The following PCDH9 variants were observed in gnomAD, a reference collection of about 807,000 sequenced individuals.
PCDH9 encodes the protein protocadherin 9.
PCDH9 carries 24 observed loss-of-function variants against 70.6 expected under a neutral mutation model. The observed-to-expected ratio is 0.34, with a 90% confidence interval of 0.25 to 0.48. PCDH9 has a LOEUF of 0.48. Among genes scored for constraint, PCDH9 ranks in the 20% least tolerant of loss-of-function variants. The pLI, the probability that PCDH9 is intolerant of heterozygous loss-of-function variation, is 0.99. For synonymous variants in PCDH9, 562 were observed against 558.5 expected (o/e 1.01, Z -0.09); for missense variants, 1,281 against 1,503.6 (o/e 0.85, Z 2.45).
chr13:66,391,650 T>C (rs889166576), intron 4 of PCDH9, among the ~76,000 whole-genome samples: 2 of 152,134 alleles, frequency 1.3e-5, no homozygotes, highest in African/African-American at 4.8e-5. Flanking sequence ...GAACCAAACC[T>C]AAACCTTCAT....
chr13:66,891,479 C>CGT (rs2082094935), intron 3 of PCDH9, among the ~76,000 whole-genome samples: 1 of 152,004 alleles, frequency 6.6e-6, no homozygotes, highest in South Asian at 2.1e-4. Flanking sequence ...TTGCTTAAAA[C>CGT]TAAATAGTAA....
At chr13:67,217,508 A>C (rs2089635821) in intron 2 of PCDH9, 1 of 152,144 alleles carries the variant, frequency 6.6e-6, no homozygotes, top group African/African-American at 2.4e-5. Flanking sequence ...AAAGACATTA[A>C]GTATTAAAGA....
rs140212907 is a variant in PCDH9, at chr13:67,150,929, C to A, written c.3036+74476G>T. On this transcript the variant is annotated intron_variant, in intron 2 of 4. Transcript: ENST00000377865. ...TTCTTGTTTAACCAACTTTGTAAGT[C>A]TCACTGCCCAAGGCCTTCCAATTGC... Among the ~76,000 whole-genome samples, 15 of 152,280 alleles carry A rather than the reference C, an allele frequency of 9.9e-5. No individual in the cohort carries two copies. The East Asian group carries it at 2.9e-3, about 29-fold the overall frequency.
chr13:66,538,062 T>C (rs1324462401), intron 4 of PCDH9, among the ~76,000 whole-genome samples: 1 of 152,144 alleles, frequency 6.6e-6, no homozygotes, highest in African/African-American at 2.4e-5. Context: ...GTTACTTTGG[T>C]AGCCTAGTTC....
intron 3 of PCDH9, among the ~76,000 whole-genome samples, chr13:66,713,101 T>C (rs2078817300): frequency 6.6e-6 from 1 of 152,172 alleles, no homozygotes; most frequent in Admixed American, 6.5e-5. Flanking sequence ...CATTACATAG[T>C]TGTGTTTGTT....
intron 4 of PCDH9, among the ~76,000 whole-genome samples, chr13:66,403,739 T>C (rs1330393407): frequency 1.3e-5 from 2 of 152,182 alleles, no homozygotes; most frequent in African/African-American, 2.4e-5. Flanking sequence ...ACCCATGATA[T>C]AGCCTTTGAG....
chr13:66,413,667 C>CAGAGCG (rs1163473269), intron 4 of PCDH9, among the ~76,000 whole-genome samples: 2 of 151,650 alleles, frequency 1.3e-5, no homozygotes, highest in Non-Finnish European at 2.9e-5. Flanking sequence ...CCCTGGGCAA[C>CAGAGCG]AGAGCGAGAC....
chr13:66,490,152 T>C (rs1303945727), intron 4 of PCDH9, among the ~76,000 whole-genome samples: 1 of 152,182 alleles, frequency 6.6e-6, no homozygotes. Flanking sequence ...TGTATTCTCT[T>C]TTCTGACTTC....
intron 2 of PCDH9, among the ~76,000 whole-genome samples, chr13:66,926,137 A>G (rs577610925): frequency 6.6e-6 from 1 of 151,966 alleles, no homozygotes; most frequent in South Asian, 2.1e-4. Context: ...TTTCATAACT[A>G]CTATATAGTG....
At chr13:66,416,398 G>C (rs1384820302) in intron 4 of PCDH9, among the ~76,000 whole-genome samples, 1 of 151,752 alleles carries the variant, frequency 6.6e-6, no homozygotes, top group Non-Finnish European at 1.5e-5. Context: ...ATCATATCTA[G>C]GACCCCAACA....
chr13:66,680,037 A>G (rs373521831), intron 3 of PCDH9, among the ~76,000 whole-genome samples: 1 of 151,946 alleles, frequency 6.6e-6, no homozygotes, highest in Non-Finnish European at 1.5e-5. Context: ...AAGAATATGC[A>G]CATGTGTTTA....
At chr13:66,855,230 A>G (rs1048526219) in intron 3 of PCDH9, among the ~76,000 whole-genome samples, 1 of 152,148 alleles carries the variant, frequency 6.6e-6, no homozygotes, top group East Asian at 1.9e-4. Flanking sequence ...GTATTTAACA[A>G]TAATGTGAAT....
chr13:67,172,492 G>A (rs2088316306), intron 2 of PCDH9, among the ~76,000 whole-genome samples: 1 of 152,140 alleles, frequency 6.6e-6, no homozygotes, highest in African/African-American at 2.4e-5. Context: ...TGAGATGACA[G>A]CTGCTGTTGG....
intron 3 of PCDH9, among the ~76,000 whole-genome samples, chr13:66,873,169 A>G (rs1166882076): frequency 6.6e-6 from 1 of 152,170 alleles, no homozygotes; most frequent in East Asian, 1.9e-4. Context: ...TGTCTGAATA[A>G]GATCTTATTT....
intron 4 of PCDH9, among the ~76,000 whole-genome samples, chr13:66,507,439 AC>A (rs2138575436): frequency 6.6e-6 from 1 of 152,152 alleles, no homozygotes; most frequent in Admixed American, 6.5e-5. Flanking sequence ...TCTTTATGCC[AC>A]CCCTCTACTG....
intron 2 of PCDH9, among the ~76,000 whole-genome samples, chr13:67,117,811 A>G (rs1337484312): frequency 6.6e-6 from 1 of 152,154 alleles, no homozygotes; most frequent in Non-Finnish European, 1.5e-5. Flanking sequence ...GAGTTATAAA[A>G]ATGTCATATC....
intron 4 of PCDH9, among the ~76,000 whole-genome samples, chr13:66,437,754 GA>G (rs34154192): frequency 2.6e-5 from 4 of 151,972 alleles, no homozygotes; most frequent in African/African-American, 9.7e-5. Flanking sequence ...TGCTAAAGCT[GA>G]AAAAAATGCA....
At chr13:66,617,328 A>T (rs556081261) in intron 4 of PCDH9, among the ~76,000 whole-genome samples, 2 of 152,196 alleles carry the variant, frequency 1.3e-5, no homozygotes, top group East Asian at 3.9e-4. Context: ...AGAACCACGG[A>T]TGCCTGCTAC....
At chr13:66,811,265 C>T (rs1028741041) in intron 3 of PCDH9, among the ~76,000 whole-genome samples, 7 of 152,174 alleles carry the variant, frequency 4.6e-5, no homozygotes, top group African/African-American at 1.4e-4. Flanking sequence ...GATATTCTTG[C>T]TTGCTATTTT....
Sources: allele counts gnomAD v4.1 joint callset (sites outside exome capture counted in the v4.1 genomes callset), GRCh38; gene constraint gnomAD v4.1.1; transcripts MANE v1.5; gene names NCBI Gene and HGNC (gene_info 2026-07-23, HGNC 2026-07-21).